CDON: variants seen among roughly 807,000 people sequenced by gnomAD.
The protein encoded by CDON is cell adhesion associated, oncogene regulated.
A neutral mutation model predicts 120.9 loss-of-function variants in CDON; 73 were observed. That is an observed-to-expected ratio of 0.60 (90% CI 0.50 to 0.73). The LOEUF (loss-of-function observed/expected upper bound fraction) is 0.73, where lower values mean the gene tolerates loss of function less well. Among genes scored for constraint, CDON ranks in the 30% least tolerant of loss-of-function variants. CDON has a pLI of 0.00. For synonymous variants in CDON, 566 were observed against 573.5 expected, an observed-to-expected ratio of 0.99 and a Z score of 0.19; for missense variants, 1,470 against 1,587.3, an observed-to-expected ratio of 0.93 and a Z score of 1.26.
At position 126,039,182 on chromosome 11, in the gene CDON, G is replaced by A. The variant is rs770547367; in HGVS notation, c.-61-15645C>T. On this transcript the variant is annotated intron_variant, in intron 1 of 19. Transcript: ENST00000531738. ...AAACTTGGGCATAAATCTTACAGGT[G>A]AAGAAGCATCTAGCATGAGAAACAG... Among the ~76,000 whole-genome samples the A allele has an allele frequency of 6.6e-5, 10 of 152,298 alleles. 1 individual carries two copies. Among genetic ancestry groups the A allele is most frequent in the Admixed American group, 2.0e-4 (3 of 15,300 alleles).
At chr11:126,000,209 A>AT (rs964267774) in intron 11 of CDON, among the ~76,000 whole-genome samples, 29 of 136,196 alleles carry the variant, frequency 2.1e-4, no homozygotes, top group Non-Finnish European at 2.4e-4. Flanking sequence ...CTATACTGTA[A>AT]TTTTTTTAAA....
chr11:126,030,774 A>G (rs1947922529), intron 1 of CDON, among the ~76,000 whole-genome samples: 1 of 152,194 alleles, frequency 6.6e-6, no homozygotes, highest in Non-Finnish European at 1.5e-5. Flanking sequence ...CAAATATAGT[A>G]TATACTGTTT....
At chr11:126,041,310 G>A (rs975301780) in intron 1 of CDON, among the ~76,000 whole-genome samples, 1 of 151,822 alleles carries the variant, frequency 6.6e-6, no homozygotes, top group African/African-American at 2.4e-5. Flanking sequence ...AAATAGAAAT[G>A]ACTTGGTGGG....
chr11:125,962,050 TTAAAA>T, intron 18 of CDON, 52 bp from the exon 19 acceptor site: 4 of 1,373,224 alleles, frequency 2.9e-6, no homozygotes, highest in Non-Finnish European at 4.2e-6. Flanking sequence ...GAACCAATAA[TTAAAA>T]TAAGCCTATT....
At chr11:125,988,187 CTAA>C (rs1205088326) in intron 15 of CDON, among the ~76,000 whole-genome samples, 1 of 151,918 alleles carries the variant, frequency 6.6e-6, no homozygotes, top group Non-Finnish European at 1.5e-5. Flanking sequence ...TGAATTGTGG[CTAA>C]TGAGACTGGT....
At chr11:125,982,144 CTTTGTATTTT>C (rs58230076) in intron 16 of CDON, among the ~76,000 whole-genome samples, 35,554 of 151,534 alleles carry the variant, frequency 0.23, 4,314 homozygotes, top group Non-Finnish European at 0.26. Flanking sequence ...CCGGCTAATT[CTTTGTATTTT>C]TAGTAGAGAC....
intron 18 of CDON, among the ~76,000 whole-genome samples, chr11:125,977,852 A>G (rs533754888): frequency 3.3e-5 from 5 of 152,002 alleles, no homozygotes; most frequent in Admixed American, 6.5e-5. Context: ...AACACTGGAT[A>G]ATCTGGTAGG....
intron 3 of CDON, among the ~76,000 whole-genome samples, chr11:126,020,825 C>T (rs2134690998): frequency 6.6e-6 from 1 of 152,166 alleles, no homozygotes; most frequent in South Asian, 2.1e-4. Context: ...GCAAATAAAA[C>T]AATTAGATGT....
In CDON at chr11:125,981,266, G is replaced by T. The variant is rs1346428890; in HGVS notation, c.3059C>A (p.Thr1020Asn). The T allele has an allele frequency of 6.2e-7, 1 of 1,614,058 alleles. No homozygotes were observed. Among genetic ancestry groups the T allele is most frequent in the Non-Finnish European group, 8.5e-7 (1 of 1,179,980 alleles). Reference protein sequence around the residue: ...SDMNGQMVDYTTLSGASQING... With the variant: ...SDMNGQMVDYNTLSGASQING... ...TATCTGACTTGCTCCTGAGAGAGTGGTGTAGTCCACCATCTGCCCGTTCAT... is the reference window on the plus strand; with the variant it reads ...TATCTGACTTGCTCCTGAGAGAGTGTTGTAGTCCACCATCTGCCCGTTCAT... The change falls in exon 17 of 20, where the codon ACC becomes AAC. Residue 1020 changes from threonine (T) to asparagine (N), a missense_variant. Coordinates refer to ENST00000531738, the MANE Select transcript of CDON (RefSeq NM_001378964.1).
At position 125,995,002 on chromosome 11, in the gene CDON, A is replaced by C; in HGVS notation, c.2413T>G (p.Phe805Val). 6.2e-7 allele frequency: 1 copy of C among 1,614,202 alleles called. No homozygotes were observed. Among genetic ancestry groups the C allele is most frequent in the Non-Finnish European group, 8.5e-7 (1 of 1,180,022 alleles). ...TAAGGACGAGATGCTGAACTCCGAA[A>C]ACTCTCACCATAATGGTTGATGGCA... ...VIAINHYGES[F>V]RSSASRPYQV... is the part of the protein sequence containing the mutation. The change falls in exon 13 of 20, where the codon TTT becomes GTT. Residue 805 changes from phenylalanine (F) to valine (V), a missense_variant. By Grantham distance (50) the Phe-to-Val change is conservative. Coordinates refer to ENST00000531738, the MANE Select transcript of CDON (RefSeq NM_001378964.1).
At chr11:125,970,160 G>A (rs561336583) in intron 18 of CDON, among the ~76,000 whole-genome samples, 120 of 147,436 alleles carry the variant, frequency 8.1e-4, no homozygotes, top group African/African-American at 2.9e-3. Context: ...TTACATCTTG[G>A]TGGTAGTTTA....
intron 7 of CDON, among the ~76,000 whole-genome samples, chr11:126,014,526 C>T (rs1591387136): frequency 6.6e-6 from 1 of 152,160 alleles, no homozygotes; most frequent in African/African-American, 2.4e-5. Context: ...AAATTACCAA[C>T]ACAGATATGG....
intron 15 of CDON, among the ~76,000 whole-genome samples, chr11:125,987,826 A>C (rs183502199): frequency 1.3e-5 from 2 of 152,302 alleles, no homozygotes; most frequent in African/African-American, 4.8e-5. Flanking sequence ...AAACAAATGA[A>C]ATTCAAGGTA....
At chr11:125,968,905 G>A (rs970426862) in intron 18 of CDON, among the ~76,000 whole-genome samples, 9 of 152,232 alleles carry the variant, frequency 5.9e-5, no homozygotes, top group African/African-American at 1.9e-4. Flanking sequence ...TTAACTTAGG[G>A]GTTACATGTT....
intron 1 of CDON, among the ~76,000 whole-genome samples, chr11:126,043,938 C>T (rs547060266): frequency 2.6e-5 from 4 of 152,260 alleles, no homozygotes; most frequent in East Asian, 1.9e-4. Flanking sequence ...CAGCGAAGTC[C>T]GGAACATCAA....
rs765587057 is a variant in CDON, at chr11:126,019,683, C to T, written c.432G>A (p.Pro144=). 43 of 1,613,930 alleles carry T rather than the reference C, an allele frequency of 2.7e-5. No homozygotes were observed. Among genetic ancestry groups the T allele is most frequent in the Middle Eastern group, 1.6e-4 (1 of 6,084 alleles). The change falls in exon 4 of 20, where the codon CCG becomes CCA. Residue 144 remains proline (P), a synonymous_variant. Transcript: ENST00000531738. The part of the protein sequence containing the change: ...KSAGFIGCRV[P]ESNPKAEVRY... ...GCACCTCAGCTTTGGGGTTACTCTCCGGTACCCTGCAGCCAATGAAACCAG... is the reference window on the plus strand; with the variant it reads ...GCACCTCAGCTTTGGGGTTACTCTCTGGTACCCTGCAGCCAATGAAACCAG...
chr11:126,054,678 C>T (rs571309429), intron 1 of CDON, among the ~76,000 whole-genome samples: 1 of 152,250 alleles, frequency 6.6e-6, no homozygotes, highest in South Asian at 2.1e-4. Flanking sequence ...TGGGCCCCAC[C>T]CCAGACCTAC....
At chr11:125,991,695 T>C (rs1195814323) in intron 14 of CDON, among the ~76,000 whole-genome samples, 2 of 152,074 alleles carry the variant, frequency 1.3e-5, no homozygotes, top group African/African-American at 2.4e-5. Flanking sequence ...TGAATACTTC[T>C]GTTCCTGTGA....
Position 126,023,452 on chromosome 11 carries a change from A to G in CDON, c.25T>C (p.Cys9Arg), listed in dbSNP as rs747426609. The G allele has an allele frequency of 1.2e-6, 2 of 1,613,340 alleles. No individual in the cohort carries two copies. The highest frequency in any genetic ancestry group is 2.2e-5 in the East Asian group (1 of 44,892). ...GTAAGAGTAACATACAGCAGTGTAC[A>G]TAAGGGTCCAAGATCCGGATGCATA... MHPDLGPL[C>R]TLLYVTLTIL... Residue 9 changes from cysteine (C) to arginine (R), a missense_variant, in exon 2 of 20, where the codon TGT (cysteine) becomes CGT (arginine). Transcript: ENST00000531738.
Sources: allele counts gnomAD v4.1 joint callset (sites outside exome capture counted in the v4.1 genomes callset), GRCh38; gene constraint gnomAD v4.1.1; transcripts MANE v1.5; gene names NCBI Gene and HGNC (gene_info 2026-07-23, HGNC 2026-07-21).